The following EML5 variants were observed in gnomAD, a reference collection of about 807,000 sequenced individuals.
EML5 encodes EMAP like 5, also known as echinoderm microtubule-associated protein-like 5.
Under a neutral mutation model 250.0 loss-of-function variants are expected in EML5, and 120 were observed. That is an observed-to-expected ratio of 0.48 (90% CI 0.41 to 0.56). The LOEUF is 0.56. Ranked by LOEUF, EML5 falls within the 20% of genes least tolerant of loss-of-function variation. The pLI is 0.00. For missense variants in EML5, 2,006 were observed against 2,437.6 expected (o/e 0.82, Z 3.73); for synonymous variants, 771 against 806.5 (o/e 0.96, Z 0.75).
chr14:88,712,371 G>C lies in EML5; in HGVS notation c.1557C>G (p.Asn519Lys). ...NGIWPKYSDI[N>K]DINSVDGNYI... ...AATTTCCATCTACTGAATTTATATC[G>C]TTGATATCTGAATACTTGGGCCAAA... is the stretch of plus-strand genomic sequence containing the variant. Residue 519 changes from asparagine to lysine, a missense_variant, in exon 10 of 44, where the codon AAC becomes AAG. This residue lies in a region of EML5 where 1,375 missense variants were observed against 1,590.3 expected (regional missense o/e 0.86). Transcript: ENST00000554922. 6.2e-7 allele frequency: 1 copy of C among 1,613,160 alleles called. No homozygotes were observed. Among genetic ancestry groups the C allele is most frequent in the Non-Finnish European group, 8.5e-7 (1 of 1,179,378 alleles).
intron 16 of EML5, among the ~76,000 whole-genome samples, chr14:88,695,006 CATAT>C (rs1357837619): frequency 1.3e-5 from 2 of 151,842 alleles, no homozygotes; most frequent in African/African-American, 4.8e-5. Context: ...GACATATATG[CATAT>C]ATATCTTTTT....
chr14:88,681,857 C>G, intron 21 of EML5, 33 bp downstream of exon 21: 1 of 1,562,134 alleles, frequency 6.4e-7, no homozygotes, highest in Non-Finnish European at 8.6e-7. Context: ...ACTGTGAGAG[C>G]TTAATCTACG....
rs186518662 is a variant in EML5, at chr14:88,694,422, G to A, written c.2439-15C>T. The stretch of plus-strand genomic sequence containing the variant: ...CTTTACTTCCTCTGAAATAAACATC[G>A]AAATGTTTTAGCTCTGAAGATTCAT... On this transcript the variant is annotated splice_polypyrimidine_tract_variant and intron_variant, in intron 16 of 43. Transcript: ENST00000554922. 2.2e-4 allele frequency: 333 copies of A among 1,493,014 alleles called. No homozygotes were observed. Among genetic ancestry groups the A allele is most frequent in the Non-Finnish European group, 2.7e-4 (296 of 1,092,532 alleles). The allele number at this position is 1,493,014 out of a possible 1,614,324, so 92.5% of individuals were successfully genotyped here.
intron 17 of EML5, among the ~76,000 whole-genome samples, chr14:88,692,005 T>G (rs1211661668): frequency 6.6e-6 from 1 of 152,230 alleles, no homozygotes; most frequent in Non-Finnish European, 1.5e-5. Flanking sequence ...ACAGAAATAC[T>G]GAGTAAAATC....
chr14:88,665,471 A>T lies in EML5; in HGVS notation c.3143T>A (p.Phe1048Tyr), dbSNP rs1595438362. ...GGCTAAAGCTTTACCATCAGGAGAA[A>T]AACAGCAACACCTCCCACCTGAAAG... ...KLKKGGRCCC[F>Y]SPDGKALAVG... Residue 1048 changes from phenylalanine to tyrosine, a missense_variant, in exon 22 of 44, where the codon TTT (phenylalanine) becomes TAT (tyrosine). By Grantham distance (22) the Phe-to-Tyr change is conservative. Coordinates refer to ENST00000554922, the MANE Select transcript of EML5 (RefSeq NM_183387.3). The T allele has an allele frequency of 6.8e-6, 11 of 1,613,924 alleles. No homozygotes were observed. The highest frequency in any genetic ancestry group is 5.3e-5 in the African/African-American group (4 of 75,048).
At chr14:88,783,501 CA>C (rs543565740) in intron 1 of EML5, among the ~76,000 whole-genome samples, 1 of 151,784 alleles carries the variant, frequency 6.6e-6, no homozygotes, top group East Asian at 1.9e-4. Flanking sequence ...CAATAGAAAC[CA>C]AAAAAGAGCA....
At chr14:88,721,386 C>A (rs1379203512) in intron 8 of EML5, among the ~76,000 whole-genome samples, 1 of 152,120 alleles carries the variant, frequency 6.6e-6, no homozygotes, top group Non-Finnish European at 1.5e-5. Context: ...GCTACAGTAA[C>A]CAAAACAGCA....
At chr14:88,686,364 G>T (rs1423646644) in intron 19 of EML5, among the ~76,000 whole-genome samples, 1 of 151,764 alleles carries the variant, frequency 6.6e-6, no homozygotes, top group Non-Finnish European at 1.5e-5. Flanking sequence ...TAACAAACCT[G>T]CACATTGTGC....
intron 15 of EML5, 102 bp downstream of exon 15, chr14:88,696,745 T>G: frequency 1.5e-6 from 1 of 677,324 alleles, no homozygotes; most frequent in Non-Finnish European, 2.4e-6. Flanking sequence ...ACTGTGAATG[T>G]CACAGCTAAA....
chr14:88,765,979 T>C (rs957345688), intron 1 of EML5, among the ~76,000 whole-genome samples: 6 of 152,196 alleles, frequency 3.9e-5, no homozygotes, highest in African/African-American at 1.2e-4. Flanking sequence ...ATTAATACTT[T>C]TATAATTTCT....
At chr14:88,631,776 A>G (rs996787312) in intron 33 of EML5, among the ~76,000 whole-genome samples, 2 of 152,208 alleles carry the variant, frequency 1.3e-5, no homozygotes, top group African/African-American at 2.4e-5. Context: ...ATCTCAAAAA[A>G]AGAAAAAAAC....
Position 88,663,068 on chromosome 14 carries a change from G to A in EML5, c.3461C>T (p.Ala1154Val). The A allele has an allele frequency of 1.3e-6, 2 of 1,553,878 alleles. No individual in the cohort carries two copies. The highest frequency in any genetic ancestry group is 1.7e-6 in the Non-Finnish European group (2 of 1,147,912). The change falls in exon 24 of 44, where the codon GCT becomes GTT. Residue 1154 changes from alanine to valine, a missense_variant. Physicochemically the swap from Ala to Val is moderately conservative, Grantham distance 64. This residue lies in a region of EML5 where 1,375 missense variants were observed against 1,590.3 expected (regional missense o/e 0.86). Transcript: ENST00000554922. ...TGAKEQLFFE[A>V]PRGKKQTIPS... ...GATGGTTTGTTTTTTCCCTCTGGGA[G>A]CTTCAAAGAATAATTGTTCCTTAGC...
chr14:88,637,798 T>A (rs2090826112), intron 32 of EML5, among the ~76,000 whole-genome samples: 1 of 152,128 alleles, frequency 6.6e-6, no homozygotes. Flanking sequence ...AAATAAGACT[T>A]CACTTTCCAA....
intron 10 of EML5, among the ~76,000 whole-genome samples, chr14:88,708,570 T>C (rs1238810667): frequency 2.6e-5 from 4 of 152,066 alleles, no homozygotes; most frequent in African/African-American, 7.2e-5. Context: ...TAGACTGTAA[T>C]GTAGGAAAGA....
intron 14 of EML5, among the ~76,000 whole-genome samples, chr14:88,700,912 G>T (rs760289432): frequency 1.6e-4 from 25 of 152,176 alleles, no homozygotes; most frequent in East Asian, 3.9e-4. Context: ...TGCATTCTAA[G>T]ATTTGAACAC....
chr14:88,621,667 A>G (rs1303321485), intron 37 of EML5: 2 of 283,072 alleles, frequency 7.1e-6, no homozygotes, highest in African/African-American at 2.2e-5. Context: ...AAAAAGTAAA[A>G]GCTTAACTAC....
chr14:88,751,735 A>G (rs185325083), intron 2 of EML5, among the ~76,000 whole-genome samples: 7 of 152,296 alleles, frequency 4.6e-5, no homozygotes, highest in Admixed American at 4.6e-4. Flanking sequence ...AAGAACACTG[A>G]TATTTAAGAA....
At position 88,706,231 on chromosome 14, in the gene EML5, A is replaced by G. The variant is rs2093315471; in HGVS notation, c.1825+28T>C. On this transcript the variant is annotated intron_variant, in intron 11 of 43. Coordinates refer to ENST00000554922, the MANE Select transcript of EML5 (RefSeq NM_183387.3). ...TTACTGAAGAATTATTTGACAGGGA[A>G]ACTGTTTAGCTAATGCATACTACTC... The G allele has an allele frequency of 2.0e-6, 3 of 1,531,280 alleles. No homozygotes were observed. In the South Asian group the frequency reaches 4.0e-5, roughly 21 times the overall value. 94.9% of individuals were successfully genotyped at this position (1,531,280 alleles called of 1,614,324 possible). A position where few individuals can be genotyped will look rare whatever the true frequency, so the allele number is the denominator to read the frequency against.
At chr14:88,621,384 C>T (rs770317233) in intron 37 of EML5, 83 bp from the exon 38 acceptor site, 3 of 1,546,752 alleles carry the variant, frequency 1.9e-6, no homozygotes, top group Non-Finnish European at 2.7e-6. Context: ...ACCCTATTGA[C>T]CTGCTTTCAG....
Sources: gnomAD v4.1 joint callset for allele counts (sites outside exome capture counted in the v4.1 genomes callset) on GRCh38, gnomAD v4.1.1 for gene constraint, gnomAD v4.1.1 regional missense constraint, MANE v1.5 for transcripts, NCBI Gene and HGNC (gene_info 2026-07-23, HGNC 2026-07-21) for gene names.